The following GABPB1 variants were observed in gnomAD, a reference collection of about 807,000 sequenced individuals.
GABPB1 encodes GA-binding protein subunit beta-1.
In GABPB1, 15 loss-of-function variants were observed where a neutral mutation model predicts 45.9. That is an observed-to-expected ratio of 0.33 (90% confidence interval 0.22 to 0.50). The LOEUF (loss-of-function observed/expected upper bound fraction) is 0.50, where lower values mean the gene tolerates loss of function less well. Ranked by LOEUF, GABPB1 falls within the 20% of genes least tolerant of loss-of-function variation. The pLI is 0.98. For synonymous variants in GABPB1, 143 were observed against 154.4 expected (o/e 0.93, Z 0.55); for missense variants, 252 against 457.5 (o/e 0.55, Z 4.10).
intron 1 of GABPB1, among the ~76,000 whole-genome samples, chr15:50,340,286 A>C (rs995411708): frequency 1.3e-5 from 2 of 152,192 alleles, no homozygotes; most frequent in South Asian, 4.1e-4. Flanking sequence ...TCACTAGTTT[A>C]TATTTTGTTA....
chr15:50,296,399 C>G (rs1052130901), intron 6 of GABPB1, among the ~76,000 whole-genome samples: 3 of 152,148 alleles, frequency 2.0e-5, no homozygotes, highest in South Asian at 2.1e-4. Flanking sequence ...AAAGTAATAG[C>G]GACGCTCTTG....
rs540195917 is a variant in GABPB1 at position 50,354,002 on chromosome 15, A to T, written c.-1+983T>A. 3 of 195,096 alleles carry T rather than the reference A, an allele frequency of 1.5e-5. No individual in the cohort carries two copies. The East Asian group carries it at 5.6e-4, about 37-fold the overall frequency. 12.1% of individuals were successfully genotyped at this position (195,096 alleles called of 1,614,324 possible). On this transcript the variant is annotated intron_variant, in intron 1 of 8. Coordinates refer to ENST00000380877, the MANE Select transcript of GABPB1 (RefSeq NM_016654.5). ...ACAGATGTCCGCTCGCCACAGTCCA[A>T]TCAGGTTTAAAGCAAGAGTATTTGT...
In GABPB1 at chr15:50,301,323, T is replaced by A; in HGVS notation, c.517A>T (p.Thr173Ser). ...QINTNPESPD[T>S]VTIHAATPQF... Reference sequence around the variant, plus strand: ...GGTGTTGCAGCATGTATTGTCACAGTGTCAGGACTCTCTGGGTTTGTGTTG... The same window carrying A: ...GGTGTTGCAGCATGTATTGTCACAGAGTCAGGACTCTCTGGGTTTGTGTTG... Residue 173 changes from threonine to serine, a missense_variant, in exon 5 of 9, where the codon ACT becomes TCT. Physicochemically the swap from Thr to Ser is moderately conservative, Grantham distance 58. This residue lies in a region of GABPB1 where 193 missense variants were observed against 259.9 expected (regional missense o/e 0.74). Transcript: ENST00000380877. 6.2e-7 allele frequency: 1 copy of A among 1,614,138 alleles called. No homozygotes were observed. Among genetic ancestry groups the A allele is most frequent in the Non-Finnish European group, 8.5e-7 (1 of 1,179,982 alleles).
chr15:50,347,700 T>C (rs747868949), intron 1 of GABPB1, among the ~76,000 whole-genome samples: 1 of 152,156 alleles, frequency 6.6e-6, no homozygotes, highest in Non-Finnish European at 1.5e-5. Context: ...AGTCTCTACA[T>C]GCACAGAATG....
At chr15:50,351,660 A>AGAGAGAGGGAGG (rs1314318708) in intron 1 of GABPB1, 4 of 115,568 alleles carry the variant, frequency 3.5e-5, no homozygotes, top group African/African-American at 1.4e-4. Context: ...GAGAGAGGAA[A>AGAGAGAGGGAGG]GAGGGAGGGA....
chr15:50,340,860 T>A (rs913948293), intron 1 of GABPB1, among the ~76,000 whole-genome samples: 9 of 114,528 alleles, frequency 7.9e-5, no homozygotes, highest in Non-Finnish European at 7.4e-5. Flanking sequence ...GTTTATTACA[T>A]ATGGTTTATT....
chr15:50,324,966 G>A (rs76518024), intron 1 of GABPB1, among the ~76,000 whole-genome samples: 9,366 of 152,172 alleles, frequency 0.062, 835 homozygotes, highest in African/African-American at 0.2. Context: ...ATTATGAGTA[G>A]GTTGTTTCTT....
intron 1 of GABPB1, among the ~76,000 whole-genome samples, chr15:50,331,872 T>G (rs1255281439): frequency 7.1e-6 from 1 of 141,674 alleles, no homozygotes; most frequent in Admixed American, 7.1e-5. Flanking sequence ...TTTTTTTTGT[T>G]TTTTGTTTTT....
intron 6 of GABPB1, among the ~76,000 whole-genome samples, chr15:50,296,960 G>A (rs1296164555): frequency 2.0e-5 from 3 of 146,440 alleles, no homozygotes; most frequent in African/African-American, 7.7e-5. Context: ...GCCCAGGCTG[G>A]AGCACAGTGG....
chr15:50,276,438 T>C lies in GABPB1; in HGVS notation c.*2194A>G, dbSNP rs1308590047. 6.6e-6 allele frequency: 1 copy of C among 152,252 alleles called. No individual in the cohort carries two copies. Among genetic ancestry groups the C allele is most frequent in the Non-Finnish European group, 1.5e-5 (1 of 68,046 alleles). The allele number at this position is 152,252 out of a possible 1,614,324, so 9.4% of individuals were successfully genotyped here. Reference sequence around the variant, plus strand: ...TGTAAATGATTGAGAAATTATGTTATGTAACAATGACTCTGAAAAAGGTGA... The same window carrying C: ...TGTAAATGATTGAGAAATTATGTTACGTAACAATGACTCTGAAAAAGGTGA... On this transcript the variant is annotated 3_prime_UTR_variant, in exon 9 of 9. Coordinates refer to ENST00000380877, the MANE Select transcript of GABPB1 (RefSeq NM_016654.5).
intron 1 of GABPB1, among the ~76,000 whole-genome samples, chr15:50,335,782 G>T (rs2048097552): frequency 6.6e-6 from 1 of 150,868 alleles, no homozygotes; most frequent in African/African-American, 2.4e-5. Flanking sequence ...TGTAATCCCA[G>T]CTACTCAGAA....
intron 6 of GABPB1, among the ~76,000 whole-genome samples, chr15:50,295,286 A>G (rs752416861): frequency 1.3e-5 from 2 of 152,174 alleles, no homozygotes; most frequent in Non-Finnish European, 2.9e-5. Context: ...TTAAAGTCCT[A>G]TATAATCTCA....
chr15:50,311,444 GGCA>G (rs2141055351), intron 1 of GABPB1, among the ~76,000 whole-genome samples: 1 of 152,228 alleles, frequency 6.6e-6, no homozygotes, highest in South Asian at 2.1e-4. Flanking sequence ...AGAGAGTAAT[GGCA>G]GGTTGATTAG....
rs1448865897 is a variant in GABPB1 at position 50,275,787 on chromosome 15, A to T, written c.*2845T>A. ...CAAGTCCTTTTGTGAAGTAATTAAGATATAAATAAAATAAATAACAATAAA... is the reference window on the plus strand; with the variant it reads ...CAAGTCCTTTTGTGAAGTAATTAAGTTATAAATAAAATAAATAACAATAAA... On this transcript the variant is annotated 3_prime_UTR_variant, in exon 9 of 9. Transcript: ENST00000380877. 6.6e-6 allele frequency: 1 copy of T among 152,258 alleles called. No homozygotes were observed. Among genetic ancestry groups the T allele is most frequent in the Non-Finnish European group, 1.5e-5 (1 of 68,034 alleles). The allele number at this position is 152,258 out of a possible 1,614,324, so 9.4% of individuals were successfully genotyped here.
intron 7 of GABPB1, among the ~76,000 whole-genome samples, chr15:50,286,865 A>G (rs2046177364): frequency 6.6e-6 from 1 of 152,220 alleles, no homozygotes; most frequent in African/African-American, 2.4e-5. Context: ...ACAGGAACAT[A>G]AAAATGACTG....
chr15:50,301,052 C>T, intron 5 of GABPB1, 150 bp from the exon 6 acceptor site: 3 of 837,580 alleles, frequency 3.6e-6, no homozygotes, highest in South Asian at 1.8e-5. Flanking sequence ...TGTAATATCA[C>T]CTTTCTTCAG....
rs78688883 is a variant in GABPB1 at position 50,323,529 on chromosome 15, G to C, written c.1-13731C>G. ...TTTCTACGCCTCAGTTTACACACCT[G>C]TAAAATGAGAGTAATAGCACAACCT... On this transcript the variant is annotated intron_variant, in intron 1 of 8. Transcript: ENST00000380877. Among the ~76,000 whole-genome samples the C allele has an allele frequency of 4.0e-3, 605 of 152,248 alleles. 3 individuals carry two copies. Among genetic ancestry groups the C allele is most frequent in the African/African-American group, 0.014 (578 of 41,536 alleles).
At chr15:50,340,859 ATATGGTTTAT>A (rs2048333724) in intron 1 of GABPB1, among the ~76,000 whole-genome samples, 2 of 120,918 alleles carry the variant, frequency 1.7e-5, no homozygotes, top group South Asian at 2.8e-4. Context: ...GGTTTATTAC[ATATGGTTTAT>A]TACCATATGT....
chr15:50,342,966 T>C (rs1432714460), intron 1 of GABPB1, among the ~76,000 whole-genome samples: 1 of 71,470 alleles, frequency 1.4e-5, no homozygotes, highest in Non-Finnish European at 2.6e-5. Context: ...AGTGGCACGA[T>C]CTTGGCTCAC....
Sources: gnomAD v4.1 joint callset for allele counts (sites outside exome capture counted in the v4.1 genomes callset) on GRCh38, gnomAD v4.1.1 for gene constraint, gnomAD v4.1.1 regional missense constraint, MANE v1.5 for transcripts, NCBI Gene and HGNC (gene_info 2026-07-23, HGNC 2026-07-21) for gene names.